Variants in ARID1B observed in about 807,000 individuals in gnomAD.
The protein encoded by ARID1B is AT-rich interaction domain 1B.
A neutral mutation model predicts 212.3 loss-of-function variants in ARID1B; 30 were observed. That is an observed-to-expected ratio of 0.14 (90% confidence interval 0.11 to 0.19). ARID1B has a LOEUF of 0.19. ARID1B is among the 10% of genes least tolerant of loss of function. ARID1B has a pLI of 1.00. For missense variants in ARID1B, 2,891 were observed against 3,204.0 expected, an observed-to-expected ratio of 0.90 and a Z score of 2.36; for synonymous variants, 1,402 against 1,301.7, an observed-to-expected ratio of 1.08 and a Z score of -1.66.
intron 2 of ARID1B, among the ~76,000 whole-genome samples, chr6:156,834,851 A>G (rs1301063925): frequency 1.3e-5 from 2 of 152,218 alleles, no homozygotes; most frequent in African/African-American, 4.8e-5. Flanking sequence ...AGCAAAATAC[A>G]TTTATACCTC....
At chr6:156,827,825 A>G (rs554069827) in intron 1 of ARID1B, among the ~76,000 whole-genome samples, 5 of 133,310 alleles carry the variant, frequency 3.8e-5, no homozygotes, top group African/African-American at 1.1e-4. Flanking sequence ...GAGTGGCACA[A>G]TCTTGGCTCA....
intron 3 of ARID1B, among the ~76,000 whole-genome samples, chr6:156,909,613 C>G (rs897227250): frequency 3.9e-5 from 6 of 152,190 alleles, no homozygotes; most frequent in Non-Finnish European, 7.3e-5. Context: ...GCCTTTTTAT[C>G]TAGGACAGTT....
chr6:156,827,323 G>A (rs1782809203), intron 1 of ARID1B, among the ~76,000 whole-genome samples: 1 of 152,226 alleles, frequency 6.6e-6, no homozygotes, highest in Admixed American at 6.5e-5. Context: ...TCATTTGGCT[G>A]CTGGCTTCCA....
chr6:156,823,612 C>T (rs996731924), intron 1 of ARID1B, among the ~76,000 whole-genome samples: 3 of 150,304 alleles, frequency 2.0e-5, no homozygotes, highest in Admixed American at 6.6e-5. Context: ...TCTATCAGCT[C>T]TTGTTTAATC....
chr6:157,123,872 C>T (rs1208729683), intron 6 of ARID1B, among the ~76,000 whole-genome samples: 3 of 152,246 alleles, frequency 2.0e-5, no homozygotes, highest in Non-Finnish European at 4.4e-5. Context: ...GAAAGTGATG[C>T]TTTGCAGCTA....
At chr6:157,033,643 A>G (rs1562564677) in intron 4 of ARID1B, among the ~76,000 whole-genome samples, 1 of 152,176 alleles carries the variant, frequency 6.6e-6, no homozygotes, top group Non-Finnish European at 1.5e-5. Flanking sequence ...GCCGTAGGGT[A>G]ATTGGGAAAG....
Position 157,146,872 on chromosome 6 carries a change from A to G in ARID1B, c.2762-1752A>G, listed in dbSNP as rs1459792143. Among the ~76,000 whole-genome samples the G allele has an allele frequency of 4.6e-5, 7 of 152,310 alleles. 1 individual carries two copies. In the East Asian group the frequency reaches 1.2e-3, roughly 25 times the overall value. On this transcript the variant is annotated intron_variant, in intron 7 of 19. Coordinates refer to ENST00000636930, the MANE Select transcript of ARID1B (RefSeq NM_001374828.1). Reference sequence around the variant, plus strand: ...TGTCTTTCGCATTTATGTAATTTCAACATTCAGTTATCAGGAGGCAGCACA... The same window carrying G: ...TGTCTTTCGCATTTATGTAATTTCAGCATTCAGTTATCAGGAGGCAGCACA...
intron 3 of ARID1B, chr6:156,902,167 A>G (rs1034453313): frequency 3.9e-5 from 6 of 152,302 alleles, no homozygotes; most frequent in African/African-American, 1.2e-4. Context: ...AAAATAGTAT[A>G]TATGTTATTT....
rs145876477 is a variant in ARID1B, at chr6:156,851,533, A to G, written c.1986+22112A>G. ...GTCTTCTTGAAGCTGGAACTGTCCA[A>G]CTGTTGTGCTATTTCAGACCTGGCC... On this transcript the variant is annotated intron_variant, in intron 2 of 19. Coordinates refer to ENST00000636930, the MANE Select transcript of ARID1B (RefSeq NM_001374828.1). Among the ~76,000 whole-genome samples the G allele has an allele frequency of 3.6e-3, 541 of 152,256 alleles. 1 individual carries two copies. Among genetic ancestry groups the G allele is most frequent in the Admixed American group, 5.7e-3 (87 of 15,298 alleles).
intron 5 of ARID1B, among the ~76,000 whole-genome samples, chr6:157,088,661 T>C (rs1198471548): frequency 2.0e-5 from 3 of 152,218 alleles, no homozygotes; most frequent in African/African-American, 4.8e-5. Flanking sequence ...AGTTGGTCTT[T>C]GCTTTTTGTT....
At chr6:157,045,668 GCAAA>G (rs531638599) in intron 4 of ARID1B, among the ~76,000 whole-genome samples, 142 of 152,230 alleles carry the variant, frequency 9.3e-4, no homozygotes, top group Middle Eastern at 3.4e-3. Context: ...AACAAAACTA[GCAAA>G]CAGTTTTTTT....
At chr6:157,091,651 G>T (rs1212072923) in intron 5 of ARID1B, among the ~76,000 whole-genome samples, 1 of 152,174 alleles carries the variant, frequency 6.6e-6, no homozygotes, top group African/African-American at 2.4e-5. Context: ...ATGAACAATG[G>T]AGGATGCAAA....
chr6:157,065,234 A>C (rs1204963586), intron 4 of ARID1B, among the ~76,000 whole-genome samples: 1 of 152,224 alleles, frequency 6.6e-6, no homozygotes, highest in East Asian at 1.9e-4. Flanking sequence ...TCTGAGAGAC[A>C]AATGAAAAAT....
chr6:157,131,525 G>A (rs142092917), intron 6 of ARID1B, among the ~76,000 whole-genome samples: 6 of 152,254 alleles, frequency 3.9e-5, no homozygotes, highest in Non-Finnish European at 8.8e-5. Context: ...GGAGCACGAT[G>A]TTGTCTTCTA....
intron 4 of ARID1B, among the ~76,000 whole-genome samples, chr6:156,994,816 G>T (rs1308044628): frequency 6.6e-6 from 1 of 152,190 alleles, no homozygotes; most frequent in Non-Finnish European, 1.5e-5. Context: ...CTGTGTCCCG[G>T]TGTGCCCTCA....
At chr6:157,032,512 A>T (rs2128497914) in intron 4 of ARID1B, among the ~76,000 whole-genome samples, 1 of 152,272 alleles carries the variant, frequency 6.6e-6, no homozygotes, top group Admixed American at 6.5e-5. Context: ...GTAATGGAAG[A>T]TTGTTTTCTG....
intron 4 of ARID1B, among the ~76,000 whole-genome samples, chr6:156,966,866 A>G (rs2128336872): frequency 6.6e-6 from 1 of 150,510 alleles, no homozygotes; most frequent in South Asian, 2.1e-4. Flanking sequence ...ATGCTTGGCT[A>G]ATTTTATATT....
At chr6:156,874,774 C>G (rs17087843) in intron 2 of ARID1B, among the ~76,000 whole-genome samples, 10,112 of 152,234 alleles carry the variant, frequency 0.066, 1,130 homozygotes, top group African/African-American at 0.23. Flanking sequence ...ACCCTGGCTA[C>G]TCCTCAAAAC....
In ARID1B at chr6:156,784,724, G is replaced by A. The variant is rs545944487; in HGVS notation, c.1791+5253G>A. 1.6e-4 allele frequency among the ~76,000 whole-genome samples: 25 copies of A among 152,220 alleles called. No individual in the cohort carries two copies. In the South Asian group the frequency reaches 3.9e-3, roughly 24 times the overall value. ...GTTCTATTTTCAAAATCTTTGACTT[G>A]GAGTAATTCTAAGAAAATTCTTTCC... On this transcript the variant is annotated intron_variant, in intron 1 of 19. Transcript: ENST00000636930.
Sources: gnomAD v4.1 joint callset for allele counts (sites outside exome capture counted in the v4.1 genomes callset) on GRCh38, gnomAD v4.1.1 for gene constraint, MANE v1.5 for transcripts, NCBI Gene and HGNC (gene_info 2026-07-23, HGNC 2026-07-21) for gene names.